C12orf54: variants seen among roughly 807,000 people sequenced by gnomAD.
The protein encoded by C12orf54 is chromosome 12 open reading frame 54.
A neutral mutation model predicts 26.4 loss-of-function variants in C12orf54; 24 were observed. That is an observed-to-expected ratio of 0.91 (90% CI 0.66 to 1.28). The LOEUF is 1.28. Among genes scored for constraint, C12orf54 ranks in the 50% most tolerant of loss-of-function variants. The pLI is 0.00. For missense variants in C12orf54, 154 were observed against 150.9 expected (o/e 1.02, Z -0.11); for synonymous variants, 54 against 47.0 (o/e 1.15, Z -0.61).
the C12orf54 span, chr12:48,473,179 A>G: frequency 7.1e-7 from 1 of 1,399,790 alleles, no homozygotes; most frequent in South Asian, 1.2e-5. Flanking sequence ...GACAAGGAGG[A>G]GGATGAGGAT....
chr12:48,420,225 G>A, the C12orf54 span, among the ~76,000 whole-genome samples: 1 of 152,166 alleles, frequency 6.6e-6, no homozygotes. Flanking sequence ...GCAAGCCCAG[G>A]AGGCAGCTGA....
chr12:48,493,759 C>G (rs1937846404), intron 7 of C12orf54, among the ~76,000 whole-genome samples: 1 of 151,174 alleles, frequency 6.6e-6, no homozygotes, highest in Admixed American at 6.6e-5. Flanking sequence ...ACTTTCTCTT[C>G]CATAACAAGA....
upstream of C12orf54, among the ~76,000 whole-genome samples, chr12:48,480,407 G>A (rs1049060157): frequency 7.9e-5 from 12 of 152,070 alleles, no homozygotes; most frequent in Admixed American, 7.2e-4. Flanking sequence ...CCATTCTATA[G>A]CTTATCTGTT....
the C12orf54 span, among the ~76,000 whole-genome samples, chr12:48,462,699 T>C: frequency 4.0e-5 from 6 of 151,676 alleles, no homozygotes; most frequent in East Asian, 1.2e-3. Flanking sequence ...TGAGCAAATT[T>C]TGGCAAAGTG....
chr12:48,490,754 G>T (rs371952783), intron 5 of C12orf54, 58 bp from the exon 6 acceptor site: 18 of 1,593,724 alleles, frequency 1.1e-5, no homozygotes, highest in East Asian at 2.2e-5. Flanking sequence ...CTAATACAGT[G>T]CAGGTCTGCA....
At chr12:48,416,321 T>TA in the C12orf54 span, among the ~76,000 whole-genome samples, 3 of 152,192 alleles carry the variant, frequency 2.0e-5, no homozygotes, top group Non-Finnish European at 4.4e-5. Context: ...CAGCCTTTTT[T>TA]ACCCATCGCT....
the C12orf54 span, among the ~76,000 whole-genome samples, chr12:48,447,868 G>A: frequency 1.9e-4 from 29 of 152,316 alleles, no homozygotes; most frequent in African/African-American, 6.0e-4. Flanking sequence ...TCCCACTGGT[G>A]TGAGAGAGAT....
intron 3 of C12orf54, 112 bp from the exon 4 acceptor site, chr12:48,486,576 G>T: frequency 8.8e-7 from 1 of 1,141,976 alleles, no homozygotes; most frequent in Non-Finnish European, 1.3e-6. Context: ...GATTTTGGGT[G>T]TCCAGCTCAA....
the C12orf54 span, among the ~76,000 whole-genome samples, chr12:48,459,994 A>G: frequency 2.0e-5 from 3 of 152,192 alleles, no homozygotes; most frequent in Non-Finnish European, 2.9e-5. Flanking sequence ...ATTCACCATA[A>G]AGATAATCTT....
chr12:48,476,215 A>G, the C12orf54 span, among the ~76,000 whole-genome samples: 1 of 152,230 alleles, frequency 6.6e-6, no homozygotes, highest in African/African-American at 2.4e-5. Flanking sequence ...TGTCACCACC[A>G]GGCCTGCCCT....
intron 2 of C12orf54, chr12:48,483,604 G>T: frequency 9.1e-6 from 4 of 440,580 alleles, no homozygotes; most frequent in South Asian, 3.2e-5. Context: ...GGGTTGGCGG[G>T]GTATACAAAC....
At chr12:48,453,708 C>A in the C12orf54 span, among the ~76,000 whole-genome samples, 1 of 147,562 alleles carries the variant, frequency 6.8e-6, no homozygotes, top group Non-Finnish European at 1.5e-5. Flanking sequence ...CCTAAGGTAT[C>A]TTTTAAAGAA....
chr12:48,494,078 GCGT>G (rs1377195535), intron 7 of C12orf54, among the ~76,000 whole-genome samples: 2 of 86,282 alleles, frequency 2.3e-5, no homozygotes, highest in Non-Finnish European at 4.5e-5. Context: ...AATTAGCTGG[GCGT>G]GGTGGCAGGT....
chr12:48,483,232 C>G lies in C12orf54; in HGVS notation c.-57-8C>G, dbSNP rs1954219232. ...GCCTTCTCCGCATATTCATTTATGCCTCTCCAGGGCCTGGAGCTATCTCCA... is the reference window on the plus strand; with the variant it reads ...GCCTTCTCCGCATATTCATTTATGCGTCTCCAGGGCCTGGAGCTATCTCCA... On this transcript the variant is annotated splice_region_variant and splice_polypyrimidine_tract_variant and intron_variant, in intron 1 of 8. Transcript: ENST00000548364. 1.4e-6 allele frequency: 2 copies of G among 1,451,362 alleles called. No individual in the cohort carries two copies. Among genetic ancestry groups the G allele is most frequent in the Non-Finnish European group, 1.9e-6 (2 of 1,036,802 alleles). 89.9% of individuals were successfully genotyped at this position (1,451,362 alleles called of 1,614,324 possible).
the C12orf54 span, among the ~76,000 whole-genome samples, chr12:48,450,893 G>C: frequency 6.6e-6 from 1 of 152,154 alleles, no homozygotes; most frequent in South Asian, 2.1e-4. Flanking sequence ...AATTCTACCA[G>C]AGGTACAAAG....
rs138322215 is a variant in C12orf54, at chr12:48,496,343, C to T, written c.*203C>T. 5 of 152,734 alleles carry T rather than the reference C, an allele frequency of 3.3e-5. No homozygotes were observed. Among genetic ancestry groups the T allele is most frequent in the African/African-American group, 1.2e-4 (5 of 41,564 alleles). The allele number at this position is 152,734 out of a possible 1,614,324, so 9.5% of individuals were successfully genotyped here. Reference sequence around the variant, plus strand: ...CCAACTGCCAAAGCAAGGAAACCAGCTTGGTTTGGCAAACAGCTGATGAAA... The same window carrying T: ...CCAACTGCCAAAGCAAGGAAACCAGTTTGGTTTGGCAAACAGCTGATGAAA... On this transcript the variant is annotated 3_prime_UTR_variant, in exon 9 of 9. Coordinates refer to ENST00000548364, the MANE Select transcript of C12orf54 (RefSeq NM_152319.4).
At chr12:48,425,082 T>C in the C12orf54 span, among the ~76,000 whole-genome samples, 1 of 152,136 alleles carries the variant, frequency 6.6e-6, no homozygotes, top group Non-Finnish European at 1.5e-5. Context: ...AAAGCAATTT[T>C]TTAAACTTTT....
At chr12:48,489,013 A>AT (rs902606989) in intron 5 of C12orf54, 57 bp downstream of exon 5, 53 of 1,534,656 alleles carry the variant, frequency 3.5e-5, no homozygotes, top group Non-Finnish European at 4.0e-5. Context: ...CCTTGATCCC[A>AT]TTTTTTTTCT....
intron 3 of C12orf54, 170 bp from the exon 4 acceptor site, chr12:48,486,518 T>C (rs1954268436): frequency 1.5e-6 from 1 of 683,274 alleles, no homozygotes; most frequent in Non-Finnish European, 2.6e-6. Flanking sequence ...TGGGATGAAA[T>C]GATTCACCAG....
Sources: allele counts gnomAD v4.1 joint callset (sites outside exome capture counted in the v4.1 genomes callset), GRCh38; gene constraint gnomAD v4.1.1; transcripts MANE v1.5; gene names NCBI Gene and HGNC (gene_info 2026-07-23, HGNC 2026-07-21).